RPTOR: variants seen among roughly 807,000 people sequenced by gnomAD.
The protein encoded by RPTOR is regulatory-associated protein of mTOR.
A neutral mutation model predicts 169.9 loss-of-function variants in RPTOR; 21 were observed. The observed-to-expected ratio is 0.12, with a 90% confidence interval of 0.09 to 0.18. RPTOR has a LOEUF of 0.18. Ranked by LOEUF, RPTOR falls within the 10% of genes least tolerant of loss-of-function variation. The pLI, the probability that RPTOR is intolerant of heterozygous loss-of-function variation, is 1.00. For synonymous variants in RPTOR, 732 were observed against 753.2 expected (o/e 0.97, Z 0.46); for missense variants, 1,133 against 1,855.9 (o/e 0.61, Z 7.16).
rs375968391 is a variant in RPTOR, at chr17:80,733,728, T to C, written c.654+3022T>C. Among the ~76,000 whole-genome samples the C allele has an allele frequency of 2.6e-5, 4 of 152,268 alleles. No individual in the cohort carries two copies. In the East Asian group the frequency reaches 7.7e-4, roughly 29 times the overall value. The stretch of plus-strand genomic sequence containing the variant: ...TGCTGGTTTAAATTCCTATGTGTTA[T>C]TTGTATTCAGTAGTGAATTCTAAAG... On this transcript the variant is annotated intron_variant, in intron 5 of 33. Transcript: ENST00000306801.
chr17:80,926,237 A>G (rs2068810317), intron 24 of RPTOR, among the ~76,000 whole-genome samples: 1 of 152,242 alleles, frequency 6.6e-6, no homozygotes, highest in Non-Finnish European at 1.5e-5. Context: ...TCCTGTCTTC[A>G]TAGTGAATGC....
intron 24 of RPTOR, among the ~76,000 whole-genome samples, chr17:80,930,451 G>C (rs796345341): frequency 1.9e-3 from 25 of 12,830 alleles, no homozygotes; most frequent in East Asian, 3.4e-3. Context: ...CTCATCCTCA[G>C]CTCATCCCCA....
intron 9 of RPTOR, among the ~76,000 whole-genome samples, chr17:80,825,162 G>A (rs2067426355): frequency 6.7e-6 from 1 of 148,592 alleles, no homozygotes; most frequent in African/African-American, 2.5e-5. Context: ...CCAGTATGGG[G>A]CAGCCACATC....
intron 20 of RPTOR, among the ~76,000 whole-genome samples, chr17:80,902,893 G>A (rs117308213): frequency 1.3e-5 from 2 of 152,362 alleles, no homozygotes; most frequent in East Asian, 1.9e-4. Context: ...AAGCACACCC[G>A]TGCTGAGAGG....
intron 2 of RPTOR, among the ~76,000 whole-genome samples, chr17:80,634,479 C>CCG (rs2065477528): frequency 2.3e-5 from 2 of 88,170 alleles, no homozygotes; most frequent in African/African-American, 4.6e-5. Context: ...CGTGTGCATA[C>CCG]TGTGTGTGCA....
rs2019040 is a variant in RPTOR at position 80,823,266 on chromosome 17, T to A, written c.1136+43T>A. On this transcript the variant is annotated intron_variant, in intron 9 of 33. Transcript: ENST00000306801. The surrounding 1 kb of genome is among the most constrained non-coding windows in gnomAD (Gnocchi z 4.5). ...CTCCAGGTGCCGTGCTCCCCCGCCC[T>A]CCGTGGCACTGTGATGTCATGGAAT... 0.14 allele frequency: 219,466 copies of A among 1,601,922 alleles called. 16,557 individuals are homozygous for A. Among genetic ancestry groups the A allele is most frequent in the East Asian group, 0.28 (12,604 of 44,644 alleles).
chr17:80,882,296 A>T (rs946615206), intron 14 of RPTOR, among the ~76,000 whole-genome samples: 15 of 152,364 alleles, frequency 9.8e-5, no homozygotes, highest in African/African-American at 3.6e-4. Context: ...GAGAGTTCCG[A>T]TTTTAAAAGC....
chr17:80,928,868 C>A (rs2068842797), intron 24 of RPTOR, among the ~76,000 whole-genome samples: 3 of 152,100 alleles, frequency 2.0e-5, no homozygotes, highest in African/African-American at 4.8e-5. Flanking sequence ...AGAATCAATC[C>A]CTACAAGGCT....
chr17:80,574,944 T>C (rs938015503), intron 1 of RPTOR, among the ~76,000 whole-genome samples: 1 of 147,234 alleles, frequency 6.8e-6, no homozygotes, highest in South Asian at 2.2e-4. Context: ...GGATTACGGA[T>C]GTGAGCCACC....
intron 6 of RPTOR, among the ~76,000 whole-genome samples, chr17:80,780,758 T>A (rs2066933902): frequency 6.6e-6 from 1 of 152,160 alleles, no homozygotes; most frequent in Non-Finnish European, 1.5e-5. Flanking sequence ...TGCAGCTCCC[T>A]TCCCCCCTCA....
chr17:80,585,558 T>TA (rs1012623972), intron 1 of RPTOR, among the ~76,000 whole-genome samples: 4 of 152,170 alleles, frequency 2.6e-5, no homozygotes, highest in Non-Finnish European at 5.9e-5. Context: ...CTGCACCCGT[T>TA]AGGGTGGCCC....
intron 1 of RPTOR, among the ~76,000 whole-genome samples, chr17:80,594,218 C>G (rs2065128187): frequency 6.6e-6 from 1 of 152,112 alleles, no homozygotes; most frequent in African/African-American, 2.4e-5. Flanking sequence ...CTCAGCCTCC[C>G]GAGTAGCTGG....
At position 80,726,948 on chromosome 17, in the gene RPTOR, C is replaced by T. The variant is rs1352705330; in HGVS notation, c.508-3612C>T. Among the ~76,000 whole-genome samples the T allele has an allele frequency of 6.6e-6, 1 of 152,118 alleles. No individual in the cohort carries two copies. The highest frequency in any genetic ancestry group is 2.4e-5 in the African/African-American group (1 of 41,418). ...GTGGGGGAGGAGAGGAGCATGCTTC[C>T]CCCAACCCCTGGGGACCTGTGAGCG... is the stretch of plus-strand genomic sequence containing the variant. On this transcript the variant is annotated intron_variant, in intron 4 of 33. Coordinates refer to ENST00000306801, the MANE Select transcript of RPTOR (RefSeq NM_020761.3). This position sits in a 1 kb window ranked among gnomAD's most constrained non-coding sequence, Gnocchi z 4.5.
At position 80,843,546 on chromosome 17, in the gene RPTOR, G is replaced by A. The variant is rs115475093; in HGVS notation, c.1213-2927G>A. ...TAAAGAGAACCCTTCTGCAAACTGA[G>A]CAGCCGTACAGGGGGATAGAATGTC... On this transcript the variant is annotated intron_variant, in intron 10 of 33. Transcript: ENST00000306801. Among the ~76,000 whole-genome samples the A allele has an allele frequency of 2.2e-3, 338 of 151,524 alleles. 3 individuals carry two copies. The highest frequency in any genetic ancestry group is 7.8e-3 in the African/African-American group (323 of 41,458).
chr17:80,766,745 C>T (rs76669199), intron 6 of RPTOR, among the ~76,000 whole-genome samples: 1 of 152,000 alleles, frequency 6.6e-6, no homozygotes, highest in African/African-American at 2.4e-5. Flanking sequence ...GTTCATGTAC[C>T]GGCAATAATT....
At chr17:80,843,195 C>A (rs2067689767) in intron 10 of RPTOR, among the ~76,000 whole-genome samples, 1 of 152,180 alleles carries the variant, frequency 6.6e-6, no homozygotes, top group Admixed American at 6.5e-5. Context: ...GAAGTCACCA[C>A]CTCTATAATA....
chr17:80,556,694 T>C (rs2084412904), intron 1 of RPTOR, among the ~76,000 whole-genome samples: 1 of 152,008 alleles, frequency 6.6e-6, no homozygotes, highest in Admixed American at 6.6e-5. Context: ...ACAGTTCCGC[T>C]CTTTTTATTT....
In RPTOR at chr17:80,651,250, T is replaced by C. The variant is rs536361249; in HGVS notation, c.348+7440T>C. ...ATGTGTTAAAGAATGGAAAGCTAAA[T>C]TTGGAGGTGACGATGAGGAACCCAC... On this transcript the variant is annotated intron_variant, in intron 3 of 33. Transcript: ENST00000306801. This position sits in a 1 kb window ranked among gnomAD's most constrained non-coding sequence, Gnocchi z 4.1. Among the ~76,000 whole-genome samples, 2 of 152,062 alleles carry C rather than the reference T, an allele frequency of 1.3e-5. No individual in the cohort carries two copies. The highest frequency in any genetic ancestry group is 2.4e-5 in the African/African-American group (1 of 41,390).
intron 32 of RPTOR, among the ~76,000 whole-genome samples, 158 bp from the exon 33 acceptor site, chr17:80,962,770 C>T (rs1397240022): frequency 6.6e-6 from 1 of 152,344 alleles, no homozygotes; most frequent in East Asian, 1.9e-4. Flanking sequence ...CCCTGCCAGG[C>T]CCGAGTCCTC....
Sources: allele counts gnomAD v4.1 joint callset (sites outside exome capture counted in the v4.1 genomes callset), GRCh38; gene constraint gnomAD v4.1.1; non-coding constraint Gnocchi (gnomAD v3.1); transcripts MANE v1.5; gene names NCBI Gene and HGNC (gene_info 2026-07-23, HGNC 2026-07-21).